The following VPS13D variants were observed in gnomAD, a reference collection of about 807,000 sequenced individuals.
The protein encoded by VPS13D is vacuolar protein sorting 13 homolog D, also known as intermembrane lipid transfer protein VPS13D.
A neutral mutation model predicts 461.9 loss-of-function variants in VPS13D; 187 were observed. The ratio of observed to expected loss-of-function variants is 0.40; its 90% CI spans 0.36 to 0.46. The LOEUF (loss-of-function observed/expected upper bound fraction) is 0.46. VPS13D is among the 20% of genes least tolerant of loss of function. The probability of loss-of-function intolerance (pLI) is 0.60; values close to 1 mark genes in which losing one functional copy is unlikely to be tolerated. For synonymous variants in VPS13D, 1,951 were observed against 1,986.3 expected, an observed-to-expected ratio of 0.98 and a Z score of 0.47; for missense variants, 4,711 against 5,364.9, an observed-to-expected ratio of 0.88 and a Z score of 3.81.
At chr1:12,241,029 C>T (rs986642060) in intron 2 of VPS13D, among the ~76,000 whole-genome samples, 1 of 152,080 alleles carries the variant, frequency 6.6e-6, no homozygotes, top group Non-Finnish European at 1.5e-5. Flanking sequence ...CAGCCTTGAC[C>T]TCCTGGGCTC....
intron 35 of VPS13D, among the ~76,000 whole-genome samples, chr1:12,327,308 C>T (rs1253374869): frequency 6.6e-6 from 1 of 152,180 alleles, no homozygotes; most frequent in African/African-American, 2.4e-5. Context: ...CTCTCCTGTC[C>T]TCTTCTCTCC....
rs149671880 is a variant in VPS13D, at chr1:12,376,835, A to G, written c.10918-1593A>G. On this transcript the variant is annotated intron_variant, in intron 55 of 69. Coordinates refer to ENST00000620676, the MANE Select transcript of VPS13D (RefSeq NM_015378.4). ...TAGCTGGAGTGTAGGTGTGACTGAA[A>G]AGGAATGATACAGATTGTGCTAGAG... Among the ~76,000 whole-genome samples, 11 of 152,214 alleles carry G rather than the reference A, an allele frequency of 7.2e-5. No individual in the cohort carries two copies. In the East Asian group the frequency reaches 1.7e-3, roughly 24 times the overall value.
rs150497719 is a variant in VPS13D at position 12,474,720 on chromosome 1, A to G, written c.12662+14324A>G. ...AATGTTCCCTTTGTAATTCATTTCA[A>G]ACTTCATCCTCCCATTTGTCCTAAT... On this transcript the variant is annotated intron_variant, in intron 67 of 69. Coordinates refer to ENST00000620676, the MANE Select transcript of VPS13D (RefSeq NM_015378.4). Among the ~76,000 whole-genome samples, 30 of 152,320 alleles carry G rather than the reference A, an allele frequency of 2.0e-4. No individual in the cohort carries two copies. The East Asian group carries it at 5.4e-3, about 27-fold the overall frequency.
chr1:12,272,772 C>T (rs1460594745), intron 17 of VPS13D, among the ~76,000 whole-genome samples: 1 of 152,104 alleles, frequency 6.6e-6, no homozygotes, highest in Admixed American at 6.5e-5. Context: ...CAGACTCTCC[C>T]CTATTTAGTT....
At chr1:12,233,700 T>A (rs536884689) in intron 1 of VPS13D, among the ~76,000 whole-genome samples, 2 of 152,320 alleles carry the variant, frequency 1.3e-5, no homozygotes, top group East Asian at 3.9e-4. Flanking sequence ...GTGTTTTGGT[T>A]TGGCCCTCCA....
intron 69 of VPS13D, among the ~76,000 whole-genome samples, chr1:12,508,383 A>G (rs1646140680): frequency 1.3e-5 from 2 of 151,920 alleles, no homozygotes; most frequent in Admixed American, 6.6e-5. Context: ...TCAGGTGAGT[A>G]TGGGTTGGCT....
intron 65 of VPS13D, among the ~76,000 whole-genome samples, chr1:12,426,271 A>G (rs1644923951): frequency 6.6e-6 from 1 of 152,208 alleles, no homozygotes. Context: ...TGGCCTGGGA[A>G]GCAGAGCAGA....
intron 65 of VPS13D, among the ~76,000 whole-genome samples, chr1:12,424,425 G>A (rs1333264772): frequency 6.6e-6 from 1 of 152,080 alleles, no homozygotes; most frequent in Non-Finnish European, 1.5e-5. Flanking sequence ...CCTAACTTGG[G>A]CAACTGTCAA....
At chr1:12,508,542 TAAAAAAAAAAA>T (rs540771447) in intron 69 of VPS13D, among the ~76,000 whole-genome samples, 1 of 116,260 alleles carries the variant, frequency 8.6e-6, no homozygotes, top group East Asian at 2.4e-4. Flanking sequence ...CATCTCTACT[TAAAAAAAAAAA>T]AAAAAAAAAA....
At chr1:12,390,042 G>A (rs1031879654) in intron 60 of VPS13D, among the ~76,000 whole-genome samples, 1 of 152,224 alleles carries the variant, frequency 6.6e-6, no homozygotes, top group Non-Finnish European at 1.5e-5. Context: ...TGTCCAGGTG[G>A]TAATCTTAAC....
In VPS13D at chr1:12,335,806, G is replaced by T. The variant is rs1425394183; in HGVS notation, c.8530G>T (p.Asp2844Tyr). 2 of 1,614,086 alleles carry T rather than the reference G, an allele frequency of 1.2e-6. No individual in the cohort carries two copies. The highest frequency in any genetic ancestry group is 1.7e-6 in the Non-Finnish European group (2 of 1,179,976). ...KSEDWMGSSV[D>Y]PPCFGQSLPL... ...AGAAGACTGGATGGGCTCTTCGGTG[G>T]ATCCTCCATGTTTTGGACAAAGTAA... The change falls in exon 39 of 70, where the codon GAT (aspartate) becomes TAT (tyrosine). Residue 2844 changes from aspartate to tyrosine, a missense_variant. By Grantham distance (160) the Asp-to-Tyr change is radical (BLOSUM62 -3). Coordinates refer to ENST00000620676, the MANE Select transcript of VPS13D (RefSeq NM_015378.4).
chr1:12,285,300 T>A (rs11581956), intron 21 of VPS13D, among the ~76,000 whole-genome samples: 2,148 of 144,676 alleles, frequency 0.015, 20 homozygotes, highest in Non-Finnish European at 0.022. Flanking sequence ...TTATTTATTT[T>A]TTTTTTTTGA....
chr1:12,266,788 A>T, intron 13 of VPS13D, 93 bp from the exon 14 acceptor site: 1 of 1,152,152 alleles, frequency 8.7e-7, no homozygotes, highest in Non-Finnish European at 1.2e-6. Context: ...GTTCATCTAT[A>T]ATAATCTTCT....
intron 63 of VPS13D, among the ~76,000 whole-genome samples, chr1:12,410,906 C>T (rs1644718261): frequency 6.6e-6 from 1 of 152,204 alleles, no homozygotes; most frequent in Non-Finnish European, 1.5e-5. Context: ...GTTTGACAAA[C>T]TTTAACATCC....
intron 67 of VPS13D, among the ~76,000 whole-genome samples, chr1:12,468,530 T>C (rs1044392598): frequency 6.6e-6 from 1 of 152,218 alleles, no homozygotes; most frequent in African/African-American, 2.4e-5. Flanking sequence ...GACTCACTGT[T>C]GTATTACAGA....
intron 67 of VPS13D, among the ~76,000 whole-genome samples, chr1:12,493,261 G>A (rs1645910111): frequency 6.6e-6 from 1 of 151,706 alleles, no homozygotes; most frequent in Non-Finnish European, 1.5e-5. Context: ...GGCCGAGGCG[G>A]GTGGATCACG....
intron 10 of VPS13D, among the ~76,000 whole-genome samples, chr1:12,259,704 C>T (rs1039404243): frequency 6.6e-6 from 1 of 152,178 alleles, no homozygotes; most frequent in African/African-American, 2.4e-5. Context: ...CTCCTTTGTT[C>T]TTAATGTTAT....
In VPS13D at chr1:12,338,239, C is replaced by A. The variant is rs775276463; in HGVS notation, c.8560C>A (p.Leu2854Ile). ...TCTCTCCTGTCTACCAGGCCTCCCC[C>A]TTGTCTACCTTAGAACTAGGAGTAC... ...DPPCFGQSLP[L>I]VYLRTRSTAS... The change falls in exon 40 of 70, where the codon CTT (leucine) becomes ATT (isoleucine). Residue 2854 changes from leucine (L) to isoleucine (I), a missense_variant. Coordinates refer to ENST00000620676, the MANE Select transcript of VPS13D (RefSeq NM_015378.4). The A allele has an allele frequency of 6.2e-7, 1 of 1,613,614 alleles. No homozygotes were observed. The highest frequency in any genetic ancestry group is 8.5e-7 in the Non-Finnish European group (1 of 1,179,668).
intron 37 of VPS13D, among the ~76,000 whole-genome samples, chr1:12,330,434 A>G (rs935760365): frequency 3.3e-5 from 5 of 152,152 alleles, no homozygotes; most frequent in Admixed American, 3.3e-4. Context: ...TTAAAAAGTG[A>G]TGTTTTTATA....
Sources: gnomAD v4.1 joint callset for allele counts (sites outside exome capture counted in the v4.1 genomes callset) on GRCh38, gnomAD v4.1.1 for gene constraint, MANE v1.5 for transcripts, NCBI Gene and HGNC (gene_info 2026-07-23, HGNC 2026-07-21) for gene names.